Variants in FNBP1 observed in about 807,000 individuals in gnomAD.
The protein encoded by FNBP1 is formin binding protein 1.
In FNBP1, 26 loss-of-function variants were observed where a neutral mutation model predicts 90.6. That is an observed-to-expected ratio of 0.29 (90% CI 0.21 to 0.40). FNBP1 has a LOEUF of 0.40. Ranked by LOEUF, FNBP1 falls within the 10% of genes least tolerant of loss-of-function variation. The probability of loss-of-function intolerance (pLI) is 1.00; values close to 1 mark genes in which losing one functional copy is unlikely to be tolerated. For synonymous variants in FNBP1, 260 were observed against 265.2 expected, an observed-to-expected ratio of 0.98 and a Z score of 0.19; for missense variants, 635 against 768.0, an observed-to-expected ratio of 0.83 and a Z score of 2.05.
At chr9:129,924,516 C>T (rs1037822973) in intron 9 of FNBP1, among the ~76,000 whole-genome samples, 6 of 152,148 alleles carry the variant, frequency 3.9e-5, no homozygotes, top group Non-Finnish European at 4.4e-5. Context: ...ACCTATGTAT[C>T]GCACTATGAA....
At chr9:129,936,477 C>G (rs1253505502) in intron 6 of FNBP1, 3 of 152,166 alleles carry the variant, frequency 2.0e-5, no homozygotes, top group African/African-American at 7.2e-5. Flanking sequence ...CGATTCCCTC[C>G]TCCCCAAACT....
chr9:130,023,721 C>T lies in FNBP1; in HGVS notation c.24+19231G>A, dbSNP rs866677751. Among the ~76,000 whole-genome samples, 47 of 152,134 alleles carry T rather than the reference C, an allele frequency of 3.1e-4. 1 individual carries two copies. The highest frequency in any genetic ancestry group is 1.1e-3 in the Admixed American group (17 of 15,272). On this transcript the variant is annotated intron_variant, in intron 1 of 16. Transcript: ENST00000446176. ...GTTCCTAAGTGTTCTCCCAACAGTACCCTCTCGGTGATGCCTACAGGATCC... is the reference window on the plus strand; with the variant it reads ...GTTCCTAAGTGTTCTCCCAACAGTATCCTCTCGGTGATGCCTACAGGATCC...
intron 1 of FNBP1, among the ~76,000 whole-genome samples, chr9:130,038,043 A>C (rs1351158002): frequency 6.6e-6 from 1 of 152,060 alleles, no homozygotes; most frequent in Non-Finnish European, 1.5e-5. Context: ...TGGTTCTAAA[A>C]ATCACAGGTA....
chr9:129,895,595 C>T (rs987408090), intron 16 of FNBP1: 59 of 1,238,800 alleles, frequency 4.8e-5, no homozygotes, highest in Non-Finnish European at 5.7e-5. Flanking sequence ...TGTAAGTTGG[C>T]GGTTGGCAGC....
intron 1 of FNBP1, among the ~76,000 whole-genome samples, chr9:130,017,269 T>C (rs1159767240): frequency 6.6e-6 from 1 of 152,208 alleles, no homozygotes; most frequent in East Asian, 1.9e-4. Context: ...TCTAAGTGTT[T>C]ATATACCTAT....
At chr9:129,965,200 C>T (rs2048375394) in intron 4 of FNBP1, among the ~76,000 whole-genome samples, 1 of 152,186 alleles carries the variant, frequency 6.6e-6, no homozygotes, top group African/African-American at 2.4e-5. Context: ...GTGGGTATGT[C>T]GTACCCCACT....
Position 129,977,113 on chromosome 9 carries a change from C to A in FNBP1, c.345+1352G>T, listed in dbSNP as rs186738495. Among the ~76,000 whole-genome samples, 39 of 151,344 alleles carry A rather than the reference C, an allele frequency of 2.6e-4. 1 individual carries two copies. The highest frequency in any genetic ancestry group is 9.5e-4 in the African/African-American group (39 of 41,200). ...GGCGGAGGTTTCAGGGAGTCGAGAT[C>A]GCACCACTTCACTCGGGCCTGGACC... is the stretch of plus-strand genomic sequence containing the variant. On this transcript the variant is annotated intron_variant, in intron 4 of 16. Coordinates refer to ENST00000446176, the MANE Select transcript of FNBP1 (RefSeq NM_015033.3).
intron 12 of FNBP1, among the ~76,000 whole-genome samples, chr9:129,904,736 C>T (rs999560830): frequency 2.6e-5 from 4 of 152,074 alleles, no homozygotes. Context: ...TTCTTTCCCA[C>T]AGCATGCATC....
At chr9:129,941,482 C>T (rs1173788278) in intron 6 of FNBP1, among the ~76,000 whole-genome samples, 1 of 152,116 alleles carries the variant, frequency 6.6e-6, no homozygotes, top group East Asian at 1.9e-4. Flanking sequence ...TTGTTTTTAA[C>T]TGAGACAGAG....
chr9:129,915,221 T>G (rs1222243847), intron 11 of FNBP1, among the ~76,000 whole-genome samples: 1 of 152,150 alleles, frequency 6.6e-6, no homozygotes, highest in East Asian at 1.9e-4. Context: ...AGCTGCTGGC[T>G]GGGATCATTC....
In FNBP1 at chr9:130,031,883, C is replaced by T. The variant is rs566103017; in HGVS notation, c.24+11069G>A. 1.3e-5 allele frequency among the ~76,000 whole-genome samples: 2 copies of T among 152,210 alleles called. No homozygotes were observed. The highest frequency in any genetic ancestry group is 1.3e-4 in the Admixed American group (2 of 15,268). ...TTCACCATGTTGGTCAGGCTGGTCT[C>T]AAACTCCTGACCTCATGATCTGCCC... On this transcript the variant is annotated intron_variant, in intron 1 of 16. Transcript: ENST00000446176. This position sits in a 1 kb window ranked among gnomAD's most constrained non-coding sequence, Gnocchi z 4.2.
In FNBP1 at chr9:130,031,475, T is replaced by C. The variant is rs151164313; in HGVS notation, c.24+11477A>G. Among the ~76,000 whole-genome samples the C allele has an allele frequency of 3.0e-3, 451 of 152,266 alleles. 3 individuals are homozygous for C. Among genetic ancestry groups the C allele is most frequent in the African/African-American group, 0.011 (444 of 41,544 alleles). ...ATGACCCTTTGGACATACCATTTCC[T>C]CCTTCTTTTCCCGGAAGGCTCTGTC... On this transcript the variant is annotated intron_variant, in intron 1 of 16. Coordinates refer to ENST00000446176, the MANE Select transcript of FNBP1 (RefSeq NM_015033.3). This position sits in a 1 kb window ranked among gnomAD's most constrained non-coding sequence, Gnocchi z 4.2.
At chr9:129,926,702 T>C (rs904063201) in intron 8 of FNBP1, among the ~76,000 whole-genome samples, 2 of 150,954 alleles carry the variant, frequency 1.3e-5, no homozygotes, top group Non-Finnish European at 1.5e-5. Context: ...GCCTGGCCAA[T>C]ATGGTGAAAC....
chr9:129,976,373 G>A lies in FNBP1; in HGVS notation c.345+2092C>T, dbSNP rs541731832. On this transcript the variant is annotated intron_variant, in intron 4 of 16. Transcript: ENST00000446176. ...CTGATAAATGTGGCTGGAGTAGGGA[G>A]TAAAACTGTCCCTAGTTGAGAACCA... is the stretch of plus-strand genomic sequence containing the variant. Among the ~76,000 whole-genome samples, 8 of 152,270 alleles carry A rather than the reference G, an allele frequency of 5.3e-5. No homozygotes were observed. In the East Asian group the frequency reaches 1.5e-3, roughly 29 times the overall value.
Position 129,957,534 on chromosome 9 carries a change from C to G in FNBP1, c.409-70G>C, listed in dbSNP as rs537977226. On this transcript the variant is annotated intron_variant, in intron 5 of 16. Transcript: ENST00000446176. The surrounding 1 kb of genome is among the most constrained non-coding windows in gnomAD (Gnocchi z 4.3). The stretch of plus-strand genomic sequence containing the variant: ...AGAAGATGTAATTTTATCTAAAGCT[C>G]CCAAAGAGCATTGTTCTTTTTCTTT... 7 of 1,172,204 alleles carry G rather than the reference C, an allele frequency of 6.0e-6. No individual in the cohort carries two copies. The East Asian group carries it at 1.7e-4, about 28-fold the overall frequency. 72.6% of individuals were successfully genotyped at this position (1,172,204 alleles called of 1,614,324 possible).
intron 1 of FNBP1, among the ~76,000 whole-genome samples, chr9:130,024,253 C>A (rs530491791): frequency 4.0e-4 from 60 of 151,654 alleles, no homozygotes; most frequent in Middle Eastern, 3.4e-3. Context: ...CTACCCCCCC[C>A]AAAAAAACAG....
At chr9:129,953,234 G>A (rs1040852094) in intron 6 of FNBP1, among the ~76,000 whole-genome samples, 3 of 151,964 alleles carry the variant, frequency 2.0e-5, no homozygotes, top group Admixed American at 6.6e-5. Context: ...GCCTGTAATC[G>A]CAGCACTTTG....
At chr9:129,970,191 C>T (rs2049235184) in intron 4 of FNBP1, among the ~76,000 whole-genome samples, 1 of 151,496 alleles carries the variant, frequency 6.6e-6, no homozygotes, top group East Asian at 1.9e-4. Flanking sequence ...AGGCGTGAGC[C>T]ACTGCGCCTG....
chr9:129,947,269 C>T (rs1433053281), intron 6 of FNBP1, among the ~76,000 whole-genome samples: 1 of 151,794 alleles, frequency 6.6e-6, no homozygotes, highest in Non-Finnish European at 1.5e-5. Context: ...GGTGAAATCC[C>T]GTCTCTACTA....
Sources: allele counts gnomAD v4.1 joint callset (sites outside exome capture counted in the v4.1 genomes callset), GRCh38; gene constraint gnomAD v4.1.1; non-coding constraint Gnocchi (gnomAD v3.1); transcripts MANE v1.5; gene names NCBI Gene and HGNC (gene_info 2026-07-23, HGNC 2026-07-21).